The following CHD1L variants were observed in gnomAD, a reference collection of about 807,000 sequenced individuals.
CHD1L encodes ATP-dependent chromatin remodeler CHD1L.
Under a neutral mutation model 115.9 loss-of-function variants are expected in CHD1L, and 118 were observed. The observed-to-expected ratio is 1.02, with a 90% confidence interval of 0.88 to 1.19. The LOEUF is 1.19. CHD1L is among the 50% of genes most tolerant of loss of function. CHD1L has a pLI of 0.00. For missense variants in CHD1L, 1,179 were observed against 1,065.3 expected, an observed-to-expected ratio of 1.11 and a Z score of -1.49; for synonymous variants, 411 against 387.1, an observed-to-expected ratio of 1.06 and a Z score of -0.72.
rs1226067800 is a variant in CHD1L, at chr1:147,254,984, G to A, written c.347+8G>A. ...GAAAGAAGAAATGCAGAGGTACAGA[G>A]TAGATGTAGCTGAAATTTTATTGTT... On this transcript the variant is annotated splice_region_variant and intron_variant, in intron 3 of 22. Coordinates refer to ENST00000369258, the MANE Select transcript of CHD1L (RefSeq NM_004284.6). 3 of 1,550,388 alleles carry A rather than the reference G, an allele frequency of 1.9e-6. No individual in the cohort carries two copies. The East Asian group carries it at 6.8e-5, about 35-fold the overall frequency.
chr1:147,234,397 C>T, the CHD1L span, among the ~76,000 whole-genome samples: 1 of 152,110 alleles, frequency 6.6e-6, no homozygotes, highest in Non-Finnish European at 1.5e-5. Flanking sequence ...TACTTTGTTA[C>T]CCAGAGAGGA....
chr1:147,223,005 G>T, the CHD1L span, among the ~76,000 whole-genome samples: 1 of 152,180 alleles, frequency 6.6e-6, no homozygotes, highest in South Asian at 2.1e-4. Flanking sequence ...ACTGTTGTAA[G>T]TGATTGGCAT....
the CHD1L span, chr1:147,190,092 G>C: frequency 4.8e-3 from 4,030 of 844,702 alleles, 188 homozygotes; most frequent in East Asian, 0.099. Context: ...AAGCTAACAT[G>C]AGGCAGTTAA....
At chr1:147,233,482 GC>G in the CHD1L span, among the ~76,000 whole-genome samples, 8 of 128,012 alleles carry the variant, frequency 6.2e-5, no homozygotes, top group Admixed American at 2.4e-4. Flanking sequence ...GGGGGGGTCA[GC>G]CCCCCGCCCG....
chr1:147,189,876 C>T, the CHD1L span, among the ~76,000 whole-genome samples: 1 of 152,146 alleles, frequency 6.6e-6, no homozygotes. Context: ...AAGTAATCCT[C>T]ACAAAAATAA....
chr1:147,252,268 T>C (rs1553936891), intron 1 of CHD1L, among the ~76,000 whole-genome samples: 1 of 152,234 alleles, frequency 6.6e-6, no homozygotes, highest in African/African-American at 2.4e-5. Context: ...CCATGTGTTG[T>C]TGCTCTTTGT....
chr1:147,224,185 A>G, the CHD1L span: 1 of 262,070 alleles, frequency 3.8e-6, no homozygotes, highest in Non-Finnish European at 7.6e-6. Flanking sequence ...CTAGGAAGAC[A>G]AAGGAGGTGT....
chr1:147,288,837 A>G lies in CHD1L; in HGVS notation c.2320+1104A>G, dbSNP rs587707204. Among the ~76,000 whole-genome samples the G allele has an allele frequency of 3.9e-5, 6 of 152,272 alleles. No homozygotes were observed. The South Asian group carries it at 1.2e-3, about 32-fold the overall frequency. On this transcript the variant is annotated intron_variant, in intron 19 of 22. Coordinates refer to ENST00000369258, the MANE Select transcript of CHD1L (RefSeq NM_004284.6). The stretch of plus-strand genomic sequence containing the variant: ...AAATAAAGCTGTTGGGTGCCAGGGG[A>G]ACTTAGAAGCCTGAACAATATTGTC...
the CHD1L span, among the ~76,000 whole-genome samples, chr1:147,193,250 G>T: frequency 6.6e-6 from 1 of 152,124 alleles, no homozygotes; most frequent in African/African-American, 2.4e-5. Context: ...GGGTGTATGT[G>T]TTGAGGAATT....
intron 8 of CHD1L, among the ~76,000 whole-genome samples, chr1:147,267,164 T>A (rs1553949008): frequency 6.6e-6 from 1 of 152,202 alleles, no homozygotes; most frequent in Admixed American, 6.5e-5. Flanking sequence ...TTAAAGAAAA[T>A]TTAGAATTTG....
chr1:147,288,342 A>AAAAG (rs1684180590), intron 19 of CHD1L, among the ~76,000 whole-genome samples: 542 of 2,506 alleles, frequency 0.22, 3 homozygotes, highest in African/African-American at 0.26. Flanking sequence ...AAAAAAAAAA[A>AAAAG]AAAAGAAAAA....
rs1198657840 is a variant in CHD1L at position 147,252,669 on chromosome 1, C to T, written c.174C>T (p.Ala58=). Residue 58 remains alanine, a synonymous_variant, in exon 2 of 23, where the codon GCC becomes GCT. Transcript: ENST00000369258. Reference sequence around the variant, plus strand: ...AGCTGGAGGGAGTAAACTGGCTCGCCCAGCGCTTCCATTGTCAGAATGGCT... The same window carrying T: ...AGCTGGAGGGAGTAAACTGGCTCGCTCAGCGCTTCCATTGTCAGAATGGCT... ...SYQLEGVNWL[A]QRFHCQNGCI... The T allele has an allele frequency of 6.2e-7, 1 of 1,613,958 alleles. No individual in the cohort carries two copies. The highest frequency in any genetic ancestry group is 1.3e-5 in the African/African-American group (1 of 74,890).
At position 147,293,664 on chromosome 1, in the gene CHD1L, G is replaced by C. The variant is rs1553973106; in HGVS notation, c.2448G>C (p.Lys816Asn). The change falls in exon 21 of 23, where the codon AAG becomes AAC. Residue 816 changes from lysine to asparagine, a missense_variant. Lys to Asn is a moderately conservative substitution (Grantham distance 94). Transcript: ENST00000369258. Reference sequence around the variant, plus strand: ...GTTCCAATGTCCTGTCTGGCATTAAGATGGCAGCCCTAGAAGAGGGCCTGA... The same window carrying C: ...GTTCCAATGTCCTGTCTGGCATTAACATGGCAGCCCTAGAAGAGGGCCTGA... ...RDRSNVLSGI[K>N]MAALEEGLKK... is the part of the protein sequence containing the mutation. 3 of 1,614,202 alleles carry C rather than the reference G, an allele frequency of 1.9e-6. No homozygotes were observed. The highest frequency in any genetic ancestry group is 1.7e-5 in the Admixed American group (1 of 60,034).
intron 18 of CHD1L, among the ~76,000 whole-genome samples, chr1:147,287,038 C>T (rs1467720706): frequency 6.6e-6 from 1 of 152,178 alleles, no homozygotes; most frequent in East Asian, 1.9e-4. Context: ...CCACCTGACA[C>T]ATTACCTATG....
chr1:147,180,123 A>C, the CHD1L span, among the ~76,000 whole-genome samples: 3 of 152,160 alleles, frequency 2.0e-5, no homozygotes, highest in Non-Finnish European at 4.4e-5. Context: ...GGAGGACTGC[A>C]ATCATTTCTA....
chr1:147,282,597 T>G (rs781860045), intron 15 of CHD1L, among the ~76,000 whole-genome samples: 3 of 152,198 alleles, frequency 2.0e-5, no homozygotes, highest in Non-Finnish European at 4.4e-5. Flanking sequence ...AGATCTTTTT[T>G]AAAATTCCTT....
chr1:147,243,523 G>GC (rs1460553854), intron 1 of CHD1L, among the ~76,000 whole-genome samples: 2 of 152,032 alleles, frequency 1.3e-5, no homozygotes, highest in Non-Finnish European at 2.9e-5. Flanking sequence ...AACCTTGCAT[G>GC]CCCCCCAGCC....
chr1:147,277,103 G>A (rs1317321634), intron 14 of CHD1L, among the ~76,000 whole-genome samples: 2 of 152,110 alleles, frequency 1.3e-5, no homozygotes, highest in African/African-American at 2.4e-5. Flanking sequence ...CCTATGATGA[G>A]GAGAGAAGAA....
chr1:147,258,881 A>G (rs1183998570), intron 5 of CHD1L: 1 of 152,208 alleles, frequency 6.6e-6, no homozygotes, highest in East Asian at 1.9e-4. Flanking sequence ...TAAAAAGTTA[A>G]ACATCTTATA....
Sources: gnomAD v4.1 joint callset for allele counts (sites outside exome capture counted in the v4.1 genomes callset) on GRCh38, gnomAD v4.1.1 for gene constraint, MANE v1.5 for transcripts, NCBI Gene and HGNC (gene_info 2026-07-23, HGNC 2026-07-21) for gene names.